CCDC85A: variants seen among roughly 807,000 people sequenced by gnomAD.
CCDC85A encodes the protein coiled-coil domain containing 85A, also known as coiled-coil domain-containing protein 85A.
In CCDC85A, 38 loss-of-function variants were observed where a neutral mutation model predicts 50.2. The ratio of observed to expected loss-of-function variants is 0.76; its 90% confidence interval spans 0.58 to 0.99. The LOEUF (loss-of-function observed/expected upper bound fraction) is 0.99. CCDC85A is among the 50% of genes least tolerant of loss of function. CCDC85A has a pLI of 0.00. For synonymous variants in CCDC85A, 366 were observed against 301.4 expected (o/e 1.21, Z -2.22); for missense variants, 820 against 742.0 (o/e 1.11, Z -1.22).
intron 3 of CCDC85A, among the ~76,000 whole-genome samples, chr2:56,347,042 G>A (rs777490120): frequency 2.0e-5 from 3 of 152,198 alleles, no homozygotes; most frequent in Non-Finnish European, 4.4e-5. Context: ...GTAGACATTT[G>A]TAAATAATGA....
chr2:56,189,563 T>G (rs1676209241), intron 1 of CCDC85A, among the ~76,000 whole-genome samples: 1 of 152,136 alleles, frequency 6.6e-6, no homozygotes. Context: ...AGTGTTGGGA[T>G]TACAGATATG....
Position 56,275,353 on chromosome 2 carries a change from T to C in CCDC85A, c.1241-67526T>C, listed in dbSNP as rs553791524. 6.1e-4 allele frequency among the ~76,000 whole-genome samples: 93 copies of C among 152,310 alleles called. 1 individual carries two copies. The highest frequency in any genetic ancestry group is 2.2e-3 in the African/African-American group (91 of 41,568). On this transcript the variant is annotated intron_variant, in intron 2 of 5. Transcript: ENST00000407595. The stretch of plus-strand genomic sequence containing the variant: ...TTTGTAGAGTGCCTCTCTTGGTAAA[T>C]GGAGTACAGTAGCTCAGTATAGCTA...
At chr2:56,354,535 G>A (rs993643253) in intron 3 of CCDC85A, among the ~76,000 whole-genome samples, 1 of 152,166 alleles carries the variant, frequency 6.6e-6, no homozygotes, top group Non-Finnish European at 1.5e-5. Flanking sequence ...CCTTTCTTTA[G>A]ATTTTCTGGT....
chr2:56,381,998 T>C (rs1004583079), intron 5 of CCDC85A, among the ~76,000 whole-genome samples: 3 of 152,054 alleles, frequency 2.0e-5, no homozygotes, highest in Non-Finnish European at 2.9e-5. Context: ...GAGTATGTTT[T>C]CTGTCTCCTT....
chr2:56,351,687 T>G (rs1253438423), intron 3 of CCDC85A, among the ~76,000 whole-genome samples: 1 of 147,832 alleles, frequency 6.8e-6, no homozygotes, highest in East Asian at 2.0e-4. Context: ...TTGCCCACTT[T>G]TTGATGGGGT....
At chr2:56,195,288 A>G (rs924007748) in intron 2 of CCDC85A, among the ~76,000 whole-genome samples, 3 of 152,240 alleles carry the variant, frequency 2.0e-5, no homozygotes, top group Non-Finnish European at 4.4e-5. Context: ...ATCTCCTAGT[A>G]AAGATGACAT....
At chr2:56,245,220 T>A (rs1431732725) in intron 2 of CCDC85A, among the ~76,000 whole-genome samples, 1 of 152,208 alleles carries the variant, frequency 6.6e-6, no homozygotes, top group East Asian at 1.9e-4. Flanking sequence ...CCTGCAGTGG[T>A]GAGGCTTGCT....
intron 2 of CCDC85A, among the ~76,000 whole-genome samples, chr2:56,255,636 A>G (rs192876299): frequency 6.6e-6 from 1 of 152,262 alleles, no homozygotes; most frequent in African/African-American, 2.4e-5. Context: ...GTTAAAGAAG[A>G]TGGAGAATAA....
chr2:56,185,644 C>T (rs1411008885), intron 1 of CCDC85A: 1 of 152,378 alleles, frequency 6.6e-6, no homozygotes, highest in South Asian at 2.1e-4. Flanking sequence ...GTGATGGTTT[C>T]TTTCTGAGCC....
chr2:56,332,257 C>T (rs1030452128), intron 2 of CCDC85A, among the ~76,000 whole-genome samples: 1 of 152,212 alleles, frequency 6.6e-6, no homozygotes, highest in African/African-American at 2.4e-5. Context: ...GTGTCTCCCT[C>T]TCTTCTTGCC....
intron 2 of CCDC85A, among the ~76,000 whole-genome samples, chr2:56,319,691 C>T (rs890103682): frequency 6.6e-6 from 1 of 151,962 alleles, no homozygotes; most frequent in Non-Finnish European, 1.5e-5. Flanking sequence ...TCAAGAGAGA[C>T]CTCTGATTTT....
chr2:56,267,650 A>G (rs1265384934), intron 2 of CCDC85A, among the ~76,000 whole-genome samples: 1 of 152,184 alleles, frequency 6.6e-6, no homozygotes, highest in Non-Finnish European at 1.5e-5. Flanking sequence ...GCCCTCATGC[A>G]GCATGAAACT....
chr2:56,362,523 C>A (rs1464764084), intron 3 of CCDC85A, among the ~76,000 whole-genome samples: 3 of 151,650 alleles, frequency 2.0e-5, no homozygotes, highest in Non-Finnish European at 4.4e-5. Context: ...TCCTGGATAC[C>A]CCAAGATTTA....
chr2:56,210,487 G>A (rs903466113), intron 2 of CCDC85A, among the ~76,000 whole-genome samples: 2 of 152,122 alleles, frequency 1.3e-5, no homozygotes, highest in Non-Finnish European at 1.5e-5. Flanking sequence ...TATGTTCATA[G>A]ATTAGGTGGC....
At chr2:56,268,038 C>G (rs1670529053) in intron 2 of CCDC85A, among the ~76,000 whole-genome samples, 1 of 152,148 alleles carries the variant, frequency 6.6e-6, no homozygotes, top group East Asian at 1.9e-4. Context: ...AAGCTTTATA[C>G]ATAAATGAAA....
intron 3 of CCDC85A, among the ~76,000 whole-genome samples, chr2:56,343,198 G>A (rs1674461584): frequency 2.0e-5 from 3 of 152,014 alleles, no homozygotes; most frequent in South Asian, 2.1e-4. Flanking sequence ...TTGAAAGGAA[G>A]AACAAAGGAG....
In CCDC85A at chr2:56,354,176, G is replaced by A. The variant is rs149047332; in HGVS notation, c.1317+11221G>A. ...GAAAGAGAATGCTAACATAGAAAAT[G>A]CTAAAAAGTTAACTTTTATCTAAGT... On this transcript the variant is annotated intron_variant, in intron 3 of 5. Coordinates refer to ENST00000407595, the MANE Select transcript of CCDC85A (RefSeq NM_001080433.2). 3.9e-3 allele frequency among the ~76,000 whole-genome samples: 601 copies of A among 152,256 alleles called. 4 individuals carry two copies. Among genetic ancestry groups the A allele is most frequent in the African/African-American group, 0.014 (576 of 41,564 alleles).
intron 2 of CCDC85A, among the ~76,000 whole-genome samples, chr2:56,288,891 G>A (rs114266176): frequency 2.0e-5 from 3 of 152,124 alleles, no homozygotes; most frequent in East Asian, 3.8e-4. Context: ...AATCACATCT[G>A]CTCTCTGCAG....
At chr2:56,296,100 A>T (rs1204327442) in intron 2 of CCDC85A, among the ~76,000 whole-genome samples, 1 of 152,228 alleles carries the variant, frequency 6.6e-6, no homozygotes, top group Admixed American at 6.6e-5. Context: ...TGAAAATGAC[A>T]TCAGGAACTT....
Sources: allele counts gnomAD v4.1 joint callset (sites outside exome capture counted in the v4.1 genomes callset), GRCh38; gene constraint gnomAD v4.1.1; transcripts MANE v1.5; gene names NCBI Gene and HGNC (gene_info 2026-07-23, HGNC 2026-07-21).